Variants in AHI1 observed in about 807,000 individuals in gnomAD.
AHI1 encodes the protein jouberin.
In AHI1, 123 loss-of-function variants were observed where a neutral mutation model predicts 149.3. That is an observed-to-expected ratio of 0.82 (90% CI 0.71 to 0.96). The LOEUF is 0.96. AHI1 is among the 40% of genes least tolerant of loss of function. The probability of loss-of-function intolerance (pLI) is 0.00; values close to 1 mark genes in which losing one functional copy is unlikely to be tolerated. For missense variants in AHI1, 1,439 were observed against 1,422.7 expected, an observed-to-expected ratio of 1.01 and a Z score of -0.18; for synonymous variants, 475 against 459.8, an observed-to-expected ratio of 1.03 and a Z score of -0.42.
At chr6:135,396,384 C>T (rs1388577902) in intron 22 of AHI1, among the ~76,000 whole-genome samples, 3 of 151,562 alleles carry the variant, frequency 2.0e-5, no homozygotes, top group African/African-American at 4.8e-5. Context: ...TACTTCAATG[C>T]GAATGTGCCA....
chr6:135,318,674 A>G (rs1461008159), intron 25 of AHI1, 58 bp from the exon 26 acceptor site: 10 of 1,035,858 alleles, frequency 9.7e-6, no homozygotes, highest in Non-Finnish European at 1.4e-5. Flanking sequence ...TCCATGGGGG[A>G]AAAACAACGA....
intron 15 of AHI1, among the ~76,000 whole-genome samples, chr6:135,434,106 A>T (rs1233620637): frequency 6.6e-6 from 1 of 152,054 alleles, no homozygotes; most frequent in African/African-American, 2.4e-5. Context: ...AGAAGAACAT[A>T]TTAATTTTAA....
At chr6:135,446,914 T>C in intron 13 of AHI1, 94 bp downstream of exon 13, 3 of 1,304,472 alleles carry the variant, frequency 2.3e-6, no homozygotes, top group Non-Finnish European at 3.1e-6. Flanking sequence ...ATAGCAAGCA[T>C]TTTAAGTAGT....
At chr6:135,372,338 A>G (rs1359621351) in intron 23 of AHI1, among the ~76,000 whole-genome samples, 1 of 152,156 alleles carries the variant, frequency 6.6e-6, no homozygotes, top group Non-Finnish European at 1.5e-5. Flanking sequence ...GAAGAATTAG[A>G]GAGTCTTTTA....
At chr6:135,302,665 C>T (rs1784024008) in intron 26 of AHI1, 2 of 1,179,536 alleles carry the variant, frequency 1.7e-6, no homozygotes, top group African/African-American at 3.2e-5. Context: ...GAAAAGGACA[C>T]TTACTTAACT....
At chr6:135,343,769 C>T (rs533811745) in intron 24 of AHI1, among the ~76,000 whole-genome samples, 13 of 151,856 alleles carry the variant, frequency 8.6e-5, no homozygotes, top group South Asian at 4.1e-4. Flanking sequence ...GATTACAGAC[C>T]TTAAAGGTAA....
At chr6:135,469,662 C>G (rs1228313664) in intron 5 of AHI1, among the ~76,000 whole-genome samples, 1 of 152,070 alleles carries the variant, frequency 6.6e-6, no homozygotes, top group African/African-American at 2.4e-5. Context: ...AGAAATAAGA[C>G]TACACATCAA....
Position 135,467,641 on chromosome 6 carries a change from A to C in AHI1, c.136-7T>G. 6.3e-7 allele frequency: 1 copy of C among 1,594,920 alleles called. No homozygotes were observed. The highest frequency in any genetic ancestry group is 8.6e-7 in the Non-Finnish European group (1 of 1,166,758). ...TGCTTCTAATAGTGTCAGGCTAAAA[A>C]GGAAGACATAATAAAGTTTCAGCTA... is the stretch of plus-strand genomic sequence containing the variant. On this transcript the variant is annotated splice_region_variant and splice_polypyrimidine_tract_variant and intron_variant, in intron 5 of 28. Transcript: ENST00000265602.
intron 26 of AHI1, among the ~76,000 whole-genome samples, chr6:135,305,915 C>G (rs924163808): frequency 6.6e-6 from 1 of 152,196 alleles, no homozygotes; most frequent in Non-Finnish European, 1.5e-5. Context: ...TTTCTAATGC[C>G]TCAAACAAAT....
chr6:135,380,475 T>C (rs1776580066), intron 23 of AHI1, among the ~76,000 whole-genome samples: 1 of 152,168 alleles, frequency 6.6e-6, no homozygotes, highest in African/African-American at 2.4e-5. Flanking sequence ...CCTTGCTATC[T>C]ACAAAGGGTC....
At chr6:135,448,837 A>C (rs886751180) in intron 11 of AHI1, among the ~76,000 whole-genome samples, 1 of 152,258 alleles carries the variant, frequency 6.6e-6, no homozygotes, top group Non-Finnish European at 1.5e-5. Flanking sequence ...TATTTACACA[A>C]GACACAAATC....
intron 10 of AHI1, among the ~76,000 whole-genome samples, chr6:135,454,792 T>G (rs1027170853): frequency 6.6e-6 from 1 of 152,192 alleles, no homozygotes; most frequent in Non-Finnish European, 1.5e-5. Context: ...AAAAAATTCC[T>G]TAAGATACAA....
chr6:135,404,436 C>T (rs970600056), intron 22 of AHI1, among the ~76,000 whole-genome samples: 1 of 152,126 alleles, frequency 6.6e-6, no homozygotes, highest in Non-Finnish European at 1.5e-5. Flanking sequence ...CTCCTCCTTT[C>T]TAAAATTGGA....
In AHI1 at chr6:135,318,515, T is replaced by C. The variant is rs1054847144; in HGVS notation, c.3426+4A>G. The C allele has an allele frequency of 1.3e-6, 2 of 1,562,692 alleles. No homozygotes were observed. The highest frequency in any genetic ancestry group is 1.7e-6 in the Non-Finnish European group (2 of 1,146,168). On this transcript the variant is annotated splice_donor_region_variant and intron_variant, in intron 26 of 28. Transcript: ENST00000265602. ...ATGTAATACGTATGCTCAAAAACAT[T>C]TACCTTTTGAGGAGCTGGAGATTTT... is the stretch of plus-strand genomic sequence containing the variant.
chr6:135,465,615 G>T (rs779897967), intron 7 of AHI1, among the ~76,000 whole-genome samples, 199 bp downstream of exon 7: 1 of 152,128 alleles, frequency 6.6e-6, no homozygotes. Context: ...ATTGTCATAA[G>T]AAATAAATGA....
intron 24 of AHI1, among the ~76,000 whole-genome samples, chr6:135,346,887 C>T (rs1416856156): frequency 6.6e-6 from 1 of 152,166 alleles, no homozygotes; most frequent in Non-Finnish European, 1.5e-5. Context: ...AGCTTCTGGG[C>T]CCCTTTCTTC....
At chr6:135,374,881 C>A (rs1408553864) in intron 23 of AHI1, among the ~76,000 whole-genome samples, 1 of 152,196 alleles carries the variant, frequency 6.6e-6, no homozygotes, top group African/African-American at 2.4e-5. Context: ...AGTACCCATA[C>A]AACTACTCAG....
At chr6:135,483,759 T>C (rs1413608905) in intron 5 of AHI1, among the ~76,000 whole-genome samples, 4 of 152,242 alleles carry the variant, frequency 2.6e-5, no homozygotes, top group African/African-American at 9.6e-5. Context: ...TTCCTGATGC[T>C]TTGATTCCAC....
At chr6:135,446,929 T>C in intron 13 of AHI1, 79 bp downstream of exon 13, 3 of 1,384,108 alleles carry the variant, frequency 2.2e-6, no homozygotes, top group Non-Finnish European at 2.9e-6. Flanking sequence ...AGTAGTAAGC[T>C]AGATATCCTA....
Sources: gnomAD v4.1 joint callset for allele counts (sites outside exome capture counted in the v4.1 genomes callset) on GRCh38, gnomAD v4.1.1 for gene constraint, MANE v1.5 for transcripts, NCBI Gene and HGNC (gene_info 2026-07-23, HGNC 2026-07-21) for gene names.